The following HS6ST1 variants were observed in gnomAD, a reference collection of about 807,000 sequenced individuals.
HS6ST1 encodes the protein heparan sulfate 6-O-sulfotransferase 1.
Under a neutral mutation model 25.2 loss-of-function variants are expected in HS6ST1, and 3 were observed. That is an observed-to-expected ratio of 0.12 (90% CI 0.05 to 0.31). The LOEUF (loss-of-function observed/expected upper bound fraction) is 0.31. Ranked by LOEUF, HS6ST1 falls within the 10% of genes least tolerant of loss-of-function variation. The pLI is 1.00. For synonymous variants in HS6ST1, 204 were observed against 275.1 expected (o/e 0.74, Z 2.56); for missense variants, 310 against 609.6 (o/e 0.51, Z 5.18).
chr2:128,294,111 T>C (rs1303219709), intron 1 of HS6ST1, among the ~76,000 whole-genome samples: 2 of 152,096 alleles, frequency 1.3e-5, no homozygotes, highest in Non-Finnish European at 2.9e-5. Context: ...GCTGGAAACC[T>C]GCCCCAAACT....
rs111456572 is a variant in HS6ST1, at chr2:128,318,800, G to A, written c.-237C>T. On this transcript the variant is annotated 5_prime_UTR_variant, in exon 1 of 2. Transcript: ENST00000259241. The surrounding 1 kb of genome is among the most constrained non-coding windows in gnomAD (Gnocchi z 5.7). ...CCCGCTCGGCCCCGCTCCCGGCCCCGGCCAGCACAGCGCTCTCCGCGCCCC... is the reference window on the plus strand; with the variant it reads ...CCCGCTCGGCCCCGCTCCCGGCCCCAGCCAGCACAGCGCTCTCCGCGCCCC... Among the ~76,000 whole-genome samples, 7 of 146,964 alleles carry A rather than the reference G, an allele frequency of 4.8e-5. No individual in the cohort carries two copies. The highest frequency in any genetic ancestry group is 1.5e-4 in the African/African-American group (6 of 40,826).
intron 1 of HS6ST1, among the ~76,000 whole-genome samples, chr2:128,311,626 C>A (rs1304143445): frequency 6.6e-6 from 1 of 152,240 alleles, no homozygotes; most frequent in East Asian, 1.9e-4. Flanking sequence ...TGCAGCCCCA[C>A]AAAATGCCAC....
At chr2:128,312,522 A>T (rs1694307313) in intron 1 of HS6ST1, among the ~76,000 whole-genome samples, 1 of 152,130 alleles carries the variant, frequency 6.6e-6, no homozygotes, top group Non-Finnish European at 1.5e-5. Context: ...AAAATGCCAC[A>T]TGGGATGGTG....
At chr2:128,299,642 C>T (rs1056781582) in intron 1 of HS6ST1, among the ~76,000 whole-genome samples, 1 of 152,206 alleles carries the variant, frequency 6.6e-6, no homozygotes, top group African/African-American at 2.4e-5. Flanking sequence ...TTGAAGGCCA[C>T]GCGTGACCTG....
intron 1 of HS6ST1, among the ~76,000 whole-genome samples, chr2:128,288,832 T>C (rs1693906483): frequency 6.6e-6 from 1 of 151,766 alleles, no homozygotes; most frequent in African/African-American, 2.4e-5. Flanking sequence ...TTTCTCGGGG[T>C]CAGGAGGGCG....
intron 1 of HS6ST1, among the ~76,000 whole-genome samples, chr2:128,305,706 C>G (rs527320165): frequency 2.0e-5 from 3 of 152,344 alleles, no homozygotes; most frequent in South Asian, 2.1e-4. Context: ...CCCGGGAGAC[C>G]ATCTGCTCTG....
At chr2:128,309,810 C>T (rs779237679) in intron 1 of HS6ST1, among the ~76,000 whole-genome samples, 29 of 152,218 alleles carry the variant, frequency 1.9e-4, no homozygotes, top group African/African-American at 2.9e-4. Flanking sequence ...CCATGGCACG[C>T]GGACAGCTGC....
rs745851677 is a variant in HS6ST1, at chr2:128,318,204, G to T, written c.360C>A (p.Pro120=). 5.9e-6 allele frequency: 9 copies of T among 1,533,916 alleles called. No homozygotes were observed. The highest frequency in any genetic ancestry group is 7.9e-6 in the Non-Finnish European group (9 of 1,132,752). Residue 120 remains proline, a synonymous_variant, in exon 1 of 2, where the codon CCC becomes CCA. Transcript: ENST00000259241. This position sits in a 1 kb window ranked among gnomAD's most constrained non-coding sequence, Gnocchi z 5.7. ...VRLEVPCDCR[P]GQKKCTCYRP... is the part of the protein sequence containing the mutation. ...GGTAGCAGGTGCACTTCTTCTGGCC[G>T]GGCCGGCAGTCGCACGGCACCTCGA...
chr2:128,268,154 C>G lies in HS6ST1; in HGVS notation c.*8G>C, dbSNP rs1243804984. 6.3e-7 allele frequency: 1 copy of G among 1,594,256 alleles called. No individual in the cohort carries two copies. Among genetic ancestry groups the G allele is most frequent in the Non-Finnish European group, 8.6e-7 (1 of 1,169,492 alleles). ...CCCCAAGAGGCCTCCCCGTGGCCACCACCGCCACTACCACTTCTCAATGAT... is the reference window on the plus strand; with the variant it reads ...CCCCAAGAGGCCTCCCCGTGGCCACGACCGCCACTACCACTTCTCAATGAT... On this transcript the variant is annotated 3_prime_UTR_variant, in exon 2 of 2. Coordinates refer to ENST00000259241, the MANE Select transcript of HS6ST1 (RefSeq NM_004807.3).
At chr2:128,312,536 G>A (rs1000071106) in intron 1 of HS6ST1, among the ~76,000 whole-genome samples, 1 of 152,126 alleles carries the variant, frequency 6.6e-6, no homozygotes, top group East Asian at 1.9e-4. Context: ...GATGGTGATG[G>A]GCACCCAGAG....
At chr2:128,312,594 G>T (rs1360026809) in intron 1 of HS6ST1, among the ~76,000 whole-genome samples, 1 of 152,186 alleles carries the variant, frequency 6.6e-6, no homozygotes, top group Non-Finnish European at 1.5e-5. Flanking sequence ...CTCAGCAGGG[G>T]TGAAACTCAG....
intron 1 of HS6ST1, among the ~76,000 whole-genome samples, chr2:128,274,746 G>T (rs566511430): frequency 2.0e-5 from 3 of 152,178 alleles, no homozygotes; most frequent in Non-Finnish European, 4.4e-5. Flanking sequence ...GGAGGCCGAG[G>T]TGGGTGGATC....
chr2:128,306,749 C>A (rs1031481088), intron 1 of HS6ST1, among the ~76,000 whole-genome samples: 1 of 151,994 alleles, frequency 6.6e-6, no homozygotes, highest in East Asian at 1.9e-4. Flanking sequence ...GGGCTACCAC[C>A]CCCATGCTCC....
chr2:128,269,677 C>T (rs948187027), intron 1 of HS6ST1, among the ~76,000 whole-genome samples: 41 of 152,288 alleles, frequency 2.7e-4, no homozygotes, highest in African/African-American at 9.6e-4. Context: ...TGCAGTCATT[C>T]TTAGAGGGCT....
At position 128,318,577 on chromosome 2, in the gene HS6ST1, C is replaced by T. The variant is rs1392499477; in HGVS notation, c.-14G>A. On this transcript the variant is annotated 5_prime_UTR_variant, in exon 1 of 2. Transcript: ENST00000259241. The surrounding 1 kb of genome is among the most constrained non-coding windows in gnomAD (Gnocchi z 5.7). ...CCGCCGCCGCATGTGTCACCATCGC[C>T]GGGGCCCGGGCGCGGGGCGCGGGGC... 5.7e-6 allele frequency: 8 copies of T among 1,399,926 alleles called. No individual in the cohort carries two copies. Among genetic ancestry groups the T allele is most frequent in the Non-Finnish European group, 6.5e-6 (7 of 1,083,280 alleles). 86.7% of individuals were successfully genotyped at this position (1,399,926 alleles called of 1,614,324 possible).
chr2:128,292,732 G>A (rs1469006021), intron 1 of HS6ST1, among the ~76,000 whole-genome samples: 1 of 152,120 alleles, frequency 6.6e-6, no homozygotes, highest in Non-Finnish European at 1.5e-5. Flanking sequence ...AATGGCACGG[G>A]GGGAATGGGG....
At chr2:128,308,552 C>G (rs1466898561) in intron 1 of HS6ST1, among the ~76,000 whole-genome samples, 2 of 152,234 alleles carry the variant, frequency 1.3e-5, no homozygotes, top group Non-Finnish European at 2.9e-5. Context: ...ACCTGGGCAC[C>G]AGGACAGATG....
At chr2:128,299,880 A>T (rs1195729298) in intron 1 of HS6ST1, among the ~76,000 whole-genome samples, 1 of 152,168 alleles carries the variant, frequency 6.6e-6, no homozygotes, top group Non-Finnish European at 1.5e-5. Flanking sequence ...GAGCAGACGG[A>T]GGAAACACAG....
chr2:128,304,329 G>A (rs893424893), intron 1 of HS6ST1, among the ~76,000 whole-genome samples: 2 of 152,202 alleles, frequency 1.3e-5, no homozygotes, highest in African/African-American at 2.4e-5. Context: ...GTGTGTCCGA[G>A]CCTTTAGAAA....
Sources: allele counts gnomAD v4.1 joint callset (sites outside exome capture counted in the v4.1 genomes callset), GRCh38; gene constraint gnomAD v4.1.1; non-coding constraint Gnocchi (gnomAD v3.1); transcripts MANE v1.5; gene names NCBI Gene and HGNC (gene_info 2026-07-23, HGNC 2026-07-21).